The following SOX18 variants were observed in gnomAD, a reference collection of about 807,000 sequenced individuals.
SOX18 encodes SRY-box transcription factor 18, also known as transcription factor SOX-18.
In SOX18, 2 loss-of-function variants were observed where a neutral mutation model predicts 9.1. The observed-to-expected ratio is 0.22, with a 90% CI of 0.09 to 0.69. SOX18 has a LOEUF of 0.69. Ranked by LOEUF, SOX18 falls within the 30% of genes least tolerant of loss-of-function variation. The probability of loss-of-function intolerance (pLI) is 0.80; values close to 1 mark genes in which losing one functional copy is unlikely to be tolerated. For missense variants in SOX18, 542 were observed against 567.3 expected, an observed-to-expected ratio of 0.96 and a Z score of 0.45; for synonymous variants, 292 against 280.5, an observed-to-expected ratio of 1.04 and a Z score of -0.41.
Position 64,047,715 on chromosome 20 carries a change from A to G in SOX18, c.*451T>C, listed in dbSNP as rs2059399084. Reference sequence around the variant, plus strand: ...CTTTGCCACAGTGACGCTTCTGATCACTGAAACTTCTTGGAAGAAAAGTTT... The same window carrying G: ...CTTTGCCACAGTGACGCTTCTGATCGCTGAAACTTCTTGGAAGAAAAGTTT... On this transcript the variant is annotated 3_prime_UTR_variant, in exon 2 of 2. Transcript: ENST00000340356. 2 of 156,894 alleles carry G rather than the reference A, an allele frequency of 1.3e-5. No homozygotes were observed. The highest frequency in any genetic ancestry group is 1.9e-4 in the South Asian group (1 of 5,196). 9.7% of individuals were successfully genotyped at this position (156,894 alleles called of 1,614,324 possible). A position where few individuals can be genotyped will look rare whatever the true frequency, so the allele number is the denominator to read the frequency against.
At position 64,049,247 on chromosome 20, in the gene SOX18, G is replaced by T. The variant is rs1361849885; in HGVS notation, c.270C>A (p.Asn90Lys). The T allele has an allele frequency of 6.5e-7, 1 of 1,531,686 alleles. No individual in the cohort carries two copies. The highest frequency in any genetic ancestry group is 8.8e-7 in the Non-Finnish European group (1 of 1,134,308). The allele number at this position is 1,531,686 out of a possible 1,614,324, so 94.9% of individuals were successfully genotyped here. ...CGTCCTTTGCCCACACCATGAAGGC[G>T]TTCATGGGCCGCCGGATGCGCGACT... is the stretch of plus-strand genomic sequence containing the variant. Reference protein sequence around the residue: ...ADESRIRRPMNAFMVWAKDER... With the variant: ...ADESRIRRPMKAFMVWAKDER... Residue 90 changes from asparagine (N) to lysine (K), a missense_variant, in exon 1 of 2, where the codon AAC (asparagine) becomes AAA (lysine). By Grantham distance (94) the Asn-to-Lys change is moderately conservative. Transcript: ENST00000340356.
chr20:64,049,117 C>CCCCGCCCTCTCCCCCTTCTCTGCCG (rs758066392), intron 1 of SOX18, 42 bp downstream of exon 1: 2 of 1,143,236 alleles, frequency 1.7e-6, no homozygotes, highest in South Asian at 3.9e-5. Flanking sequence ...CCCGAGCCCC[C>CCCCGCCCTCTCCCCCTTCTCTGCCG]CCCGCCCTCT....
chr20:64,049,066 C>G, intron 1 of SOX18, 93 bp downstream of exon 1: 6 of 1,322,604 alleles, frequency 4.5e-6, no homozygotes, highest in African/African-American at 1.7e-5. Flanking sequence ...AGCCCCCGCA[C>G]CCCGCGGCCC....
rs1173299368 is a variant in SOX18 at position 64,049,544 on chromosome 20, G to A, written c.-28C>T. 2 of 1,049,208 alleles carry A rather than the reference G, an allele frequency of 1.9e-6. No homozygotes were observed. Among genetic ancestry groups the A allele is most frequent in the Non-Finnish European group, 2.3e-6 (2 of 871,602 alleles). The allele number at this position is 1,049,208 out of a possible 1,614,324, so 65.0% of individuals were successfully genotyped here. ...CAGCTGGGCGCGGCCTGGGCGGAAC[G>A]GAGCGCGGGAGCGCGGCGGGCGGGC... On this transcript the variant is annotated 5_prime_UTR_variant, in exon 1 of 2. Coordinates refer to ENST00000340356, the MANE Select transcript of SOX18 (RefSeq NM_018419.3).
In SOX18 at chr20:64,049,634, G is replaced by C. The variant is rs2059423404; in HGVS notation, c.-118C>G. ...CGGGAGGGCGGATGGCGGTGGGGACGGCGGTGGCCTCGGGCCGGGCGGGCG... is the reference window on the plus strand; with the variant it reads ...CGGGAGGGCGGATGGCGGTGGGGACCGCGGTGGCCTCGGGCCGGGCGGGCG... On this transcript the variant is annotated 5_prime_UTR_variant, in exon 1 of 2. Coordinates refer to ENST00000340356, the MANE Select transcript of SOX18 (RefSeq NM_018419.3). The C allele has an allele frequency of 3.4e-6, 2 of 593,446 alleles. No individual in the cohort carries two copies. The highest frequency in any genetic ancestry group is 4.3e-6 in the Non-Finnish European group (2 of 470,434). 36.8% of individuals were successfully genotyped at this position (593,446 alleles called of 1,614,324 possible).
rs1408661371 is a variant in SOX18, at chr20:64,049,399, C to T, written c.118G>A (p.Ala40Thr). ...GGCGCGGCGGGCGCGGCGAGGGCGG[C>T]GGGGCCGGCGGCGAGGCCGCGCGTG... ...ADTRGLAAGP[A>T]ALAAPAAPAS... The change falls in exon 1 of 2, where the codon GCC becomes ACC. Residue 40 changes from alanine to threonine, a missense_variant. Physicochemically the swap from Ala to Thr is moderately conservative, Grantham distance 58. Transcript: ENST00000340356. 1.0e-6 allele frequency: 1 copy of T among 980,800 alleles called. No individual in the cohort carries two copies. Among genetic ancestry groups the T allele is most frequent in the African/African-American group, 1.8e-5 (1 of 55,376 alleles). 60.8% of individuals were successfully genotyped at this position (980,800 alleles called of 1,614,324 possible).
chr20:64,049,430 G>C lies in SOX18; in HGVS notation c.87C>G (p.Ala29=). 1 of 999,730 alleles carries C rather than the reference G, an allele frequency of 1.0e-6. No homozygotes were observed. Among genetic ancestry groups the C allele is most frequent in the Non-Finnish European group, 1.2e-6 (1 of 840,866 alleles). 61.9% of individuals were successfully genotyped at this position (999,730 alleles called of 1,614,324 possible). Residue 29 remains alanine (A), a synonymous_variant, in exon 1 of 2, where the codon GCC becomes GCG. Transcript: ENST00000340356. ...DCAWAPGHGA[A]ADTRGLAAGP... ...CGGCGGCGAGGCCGCGCGTGTCAGCGGCGGCCCCGTGTCCCGGGGCCCATG... is the reference window on the plus strand; with the variant it reads ...CGGCGGCGAGGCCGCGCGTGTCAGCCGCGGCCCCGTGTCCCGGGGCCCATG...
rs2059410078 is a variant in SOX18 at position 64,048,660 on chromosome 20, C to T, written c.661G>A (p.Asp221Asn). 7.6e-7 allele frequency: 1 copy of T among 1,308,854 alleles called. No individual in the cohort carries two copies. The highest frequency in any genetic ancestry group is 2.2e-5 in the South Asian group (1 of 45,252). The allele number at this position is 1,308,854 out of a possible 1,614,324, so 81.1% of individuals were successfully genotyped here. A position where few individuals can be genotyped will look rare whatever the true frequency, so the allele number is the denominator to read the frequency against. The change falls in exon 2 of 2, where the codon GAC (aspartate) becomes AAC (asparagine). Residue 221 changes from aspartate (D) to asparagine (N), a missense_variant. Coordinates refer to ENST00000340356, the MANE Select transcript of SOX18 (RefSeq NM_018419.3). ...GCAGCCTCGCCGGGCTCCAGGCCGT[C>T]CAGAGGCGAGCGCTCGGGCGTGGGC... ...GLPTPERSPLDGLEPGEAAFF... is the reference protein window; with the variant it reads ...GLPTPERSPLNGLEPGEAAFF...
In SOX18 at chr20:64,048,862, C is replaced by G; in HGVS notation, c.459G>C (p.Lys153Asn). The G allele has an allele frequency of 6.3e-7, 1 of 1,591,118 alleles. No homozygotes were observed. The highest frequency in any genetic ancestry group is 8.5e-7 in the Non-Finnish European group (1 of 1,174,154). The change falls in exon 2 of 2, where the codon AAG becomes AAC. Residue 153 changes from lysine (K) to asparagine (N), a missense_variant. By Grantham distance (94) the Lys-to-Asn change is moderately conservative. Transcript: ENST00000340356. ...CCTGCTTCTTGCGGCGCGGCCGGTA[C>G]TTGTAGTTGGGGTGGTCGCGCAAGT... The part of the protein sequence containing the change: ...VQHLRDHPNY[K>N]YRPRRKKQAR...
Position 64,048,154 on chromosome 20 carries a change from G to A in SOX18, c.*12C>T. On this transcript the variant is annotated 3_prime_UTR_variant, in exon 2 of 2. Transcript: ENST00000340356. ...GAGGAAGCGCTGCAGGGACCCGGGCGGCGCCGGCGGCCTAGCCGGAGATGC... is the reference window on the plus strand; with the variant it reads ...GAGGAAGCGCTGCAGGGACCCGGGCAGCGCCGGCGGCCTAGCCGGAGATGC... The A allele has an allele frequency of 6.5e-7, 1 of 1,538,494 alleles. No individual in the cohort carries two copies. The highest frequency in any genetic ancestry group is 2.4e-5 in the East Asian group (1 of 41,222).
Position 64,048,359 on chromosome 20 carries a change from T to G in SOX18, c.962A>C (p.Asp321Ala). Residue 321 changes from aspartate (D) to alanine (A), a missense_variant, in exon 2 of 2, where the codon GAC (aspartate) becomes GCC (alanine). Asp to Ala is a moderately radical substitution (Grantham distance 126, BLOSUM62 -2). Transcript: ENST00000340356. ...CTGGTCGAACTCGGTGAGGTCCACGTCGGCCCACAGATCGGCGGCGGGCCC... is the reference window on the plus strand; with the variant it reads ...CTGGTCGAACTCGGTGAGGTCCACGGCGGCCCACAGATCGGCGGCGGGCCC... ...PLGPAADLWA[D>A]VDLTEFDQYL... 2 of 1,584,926 alleles carry G rather than the reference T, an allele frequency of 1.3e-6. No homozygotes were observed. The highest frequency in any genetic ancestry group is 4.6e-5 in the East Asian group (2 of 43,296).
chr20:64,049,613 A>T lies in SOX18; in HGVS notation c.-97T>A. The T allele has an allele frequency of 7.8e-6, 6 of 766,122 alleles. No individual in the cohort carries two copies. The highest frequency in any genetic ancestry group is 9.4e-6 in the Non-Finnish European group (6 of 636,972). The allele number at this position is 766,122 out of a possible 1,614,324, so 47.5% of individuals were successfully genotyped here. ...GGGCGCAAGGGCAGGCCAGGCCGGG[A>T]GGGCGGATGGCGGTGGGGACGGCGG... On this transcript the variant is annotated 5_prime_UTR_variant, in exon 1 of 2. Coordinates refer to ENST00000340356, the MANE Select transcript of SOX18 (RefSeq NM_018419.3).
In SOX18 at chr20:64,048,143, G is replaced by A. The variant is rs926606831; in HGVS notation, c.*23C>T. The A allele has an allele frequency of 1.3e-6, 2 of 1,534,580 alleles. No individual in the cohort carries two copies. Among genetic ancestry groups the A allele is most frequent in the African/African-American group, 1.4e-5 (1 of 73,074 alleles). On this transcript the variant is annotated 3_prime_UTR_variant, in exon 2 of 2. Coordinates refer to ENST00000340356, the MANE Select transcript of SOX18 (RefSeq NM_018419.3). Reference sequence around the variant, plus strand: ...GGGGGCTGCGGGAGGAAGCGCTGCAGGGACCCGGGCGGCGCCGGCGGCCTA... The same window carrying A: ...GGGGGCTGCGGGAGGAAGCGCTGCAAGGACCCGGGCGGCGCCGGCGGCCTA...
chr20:64,048,822 G>A lies in SOX18; in HGVS notation c.499C>T (p.Arg167Trp). Residue 167 changes from arginine to tryptophan, a missense_variant, in exon 2 of 2, where the codon CGG (arginine) becomes TGG (tryptophan). Physicochemically the swap from Arg to Trp is moderately radical, Grantham distance 101. Coordinates refer to ENST00000340356, the MANE Select transcript of SOX18 (RefSeq NM_018419.3). ...RRKKQARKAR[R>W]LEPGLLLPGL... The stretch of plus-strand genomic sequence containing the variant: ...GGGAGCAGGAGGCCGGGCTCCAGCC[G>A]CCGGGCCTTGCGCGCCTGCTTCTTG... 3 of 1,564,446 alleles carry A rather than the reference G, an allele frequency of 1.9e-6. No individual in the cohort carries two copies. Among genetic ancestry groups the A allele is most frequent in the Admixed American group, 3.6e-5 (2 of 56,112 alleles).
At position 64,049,538 on chromosome 20, in the gene SOX18, C is replaced by T. The variant is rs2059422595; in HGVS notation, c.-22G>A. 1 of 1,062,482 alleles carries T rather than the reference C, an allele frequency of 9.4e-7. No individual in the cohort carries two copies. The highest frequency in any genetic ancestry group is 1.1e-6 in the Non-Finnish European group (1 of 882,090). 65.8% of individuals were successfully genotyped at this position (1,062,482 alleles called of 1,614,324 possible). A position where few individuals can be genotyped will look rare whatever the true frequency, so the allele number is the denominator to read the frequency against. On this transcript the variant is annotated 5_prime_UTR_variant, in exon 1 of 2. Transcript: ENST00000340356. ...GCATTCCAGCTGGGCGCGGCCTGGG[C>T]GGAACGGAGCGCGGGAGCGCGGCGG...
Position 64,047,994 on chromosome 20 carries a change from G to A in SOX18, c.*172C>T, listed in dbSNP as rs2059401712. On this transcript the variant is annotated 3_prime_UTR_variant, in exon 2 of 2. Coordinates refer to ENST00000340356, the MANE Select transcript of SOX18 (RefSeq NM_018419.3). ...CAGGTGGCCCAGAAGCCCAGGAAGGGTGGCCTGGGAGGTGGAACGGGCGCA... is the reference window on the plus strand; with the variant it reads ...CAGGTGGCCCAGAAGCCCAGGAAGGATGGCCTGGGAGGTGGAACGGGCGCA... The A allele has an allele frequency of 4.1e-6, 3 of 736,148 alleles. No homozygotes were observed. The highest frequency in any genetic ancestry group is 6.7e-6 in the Non-Finnish European group (3 of 447,908). The allele number at this position is 736,148 out of a possible 1,614,324, so 45.6% of individuals were successfully genotyped here. A position where few individuals can be genotyped will look rare whatever the true frequency, so the allele number is the denominator to read the frequency against.
Position 64,048,886 on chromosome 20 carries a change from G to A in SOX18, c.435C>T (p.His145=), listed in dbSNP as rs1317818528. 2.5e-6 allele frequency: 4 copies of A among 1,596,006 alleles called. No homozygotes were observed. Among genetic ancestry groups the A allele is most frequent in the Non-Finnish European group, 2.6e-6 (3 of 1,175,888 alleles). ...VEEAERLRVQ[H]LRDHPNYKYR... ...ACTTGTAGTTGGGGTGGTCGCGCAA[G>A]TGCTGCACGCGCAGCCGTTCGGCTT... Residue 145 remains histidine, a synonymous_variant, in exon 2 of 2, where the codon CAC becomes CAT. Transcript: ENST00000340356.
chr20:64,049,105 G>T (rs1435390717), intron 1 of SOX18, 54 bp downstream of exon 1: 1 of 271,106 alleles, frequency 3.7e-6, no homozygotes, highest in Non-Finnish European at 4.8e-6. Context: ...GCCCCACCCC[G>T]GCCCGAGCCC....
Position 64,049,614 on chromosome 20 carries a change from G to GGGCGGATGGCGGTGGGGAC in SOX18, c.-117_-99dup. 2.5e-6 allele frequency: 2 copies of GGGCGGATGGCGGTGGGGAC among 791,116 alleles called. No individual in the cohort carries two copies. Among genetic ancestry groups the GGGCGGATGGCGGTGGGGAC allele is most frequent in the Non-Finnish European group, 3.1e-6 (2 of 649,958 alleles). The allele number at this position is 791,116 out of a possible 1,614,324, so 49.0% of individuals were successfully genotyped here. On this transcript the variant is annotated 5_prime_UTR_variant, in exon 1 of 2. Coordinates refer to ENST00000340356, the MANE Select transcript of SOX18 (RefSeq NM_018419.3). ...GGCGCAAGGGCAGGCCAGGCCGGGA[G>GGGCGGATGGCGGTGGGGAC]GGCGGATGGCGGTGGGGACGGCGGT...
Sources: allele counts gnomAD v4.1 joint callset, GRCh38; gene constraint gnomAD v4.1.1; transcripts MANE v1.5; gene names NCBI Gene and HGNC (gene_info 2026-07-23, HGNC 2026-07-21).